GAS7: variants seen among roughly 807,000 people sequenced by gnomAD.
GAS7 encodes growth arrest-specific protein 7.
A neutral mutation model predicts 71.1 loss-of-function variants in GAS7; 28 were observed. The ratio of observed to expected loss-of-function variants is 0.39; its 90% CI spans 0.29 to 0.54. The LOEUF (loss-of-function observed/expected upper bound fraction) is 0.54. Ranked by LOEUF, GAS7 falls within the 20% of genes least tolerant of loss-of-function variation. The pLI is 0.62. For synonymous variants in GAS7, 258 were observed against 245.8 expected, an observed-to-expected ratio of 1.05 and a Z score of -0.46; for missense variants, 436 against 627.8, an observed-to-expected ratio of 0.69 and a Z score of 3.27.
chr17:10,017,293 A>G (rs1366542414), intron 2 of GAS7, among the ~76,000 whole-genome samples: 1 of 151,844 alleles, frequency 6.6e-6, no homozygotes, highest in Non-Finnish European at 1.5e-5. Context: ...CATATGGCCC[A>G]GTGAACTTGC....
At chr17:10,010,545 G>A (rs1293145478) in intron 2 of GAS7, among the ~76,000 whole-genome samples, 1 of 152,144 alleles carries the variant, frequency 6.6e-6, no homozygotes, top group African/African-American at 2.4e-5. Flanking sequence ...GGTCTCTGCT[G>A]CAACTACAGA....
At chr17:9,918,852 G>A (rs548107194) in intron 12 of GAS7, among the ~76,000 whole-genome samples, 61 of 152,118 alleles carry the variant, frequency 4.0e-4, no homozygotes, top group Non-Finnish European at 7.5e-4. Flanking sequence ...CAGAAAGGGG[G>A]GTAAAGCAGG....
chr17:10,138,365 T>G (rs1221348512), intron 1 of GAS7, among the ~76,000 whole-genome samples: 1 of 152,198 alleles, frequency 6.6e-6, no homozygotes, highest in Non-Finnish European at 1.5e-5. Context: ...AGGGAGGACA[T>G]GCATAACTAT....
At position 10,002,757 on chromosome 17, in the gene GAS7, T is replaced by A. The variant is rs1181265671; in HGVS notation, c.304+17020A>T. ...ACATGACCTCATCCTTTTTTATGGC[T>A]GCATAGTATTCCATGGTGTATATGT... On this transcript the variant is annotated intron_variant, in intron 2 of 13. Coordinates refer to ENST00000432992, the MANE Select transcript of GAS7 (RefSeq NM_201433.2). Among the ~76,000 whole-genome samples the A allele has an allele frequency of 2.6e-5, 4 of 152,254 alleles. No individual in the cohort carries two copies. In the East Asian group the frequency reaches 7.7e-4, roughly 29 times the overall value.
At chr17:9,991,366 A>G (rs1028938825) in intron 2 of GAS7, among the ~76,000 whole-genome samples, 1 of 152,162 alleles carries the variant, frequency 6.6e-6, no homozygotes, top group Non-Finnish European at 1.5e-5. Flanking sequence ...ACAGCTGCTT[A>G]CAAAATTCTT....
chr17:9,967,728 T>C (rs1019054307), intron 4 of GAS7, among the ~76,000 whole-genome samples: 1 of 152,172 alleles, frequency 6.6e-6, no homozygotes, highest in African/African-American at 2.4e-5. Flanking sequence ...AGCGCCATCA[T>C]CCCTTTTACC....
At chr17:10,185,683 A>G (rs1398994302) in intron 1 of GAS7, among the ~76,000 whole-genome samples, 1 of 152,080 alleles carries the variant, frequency 6.6e-6, no homozygotes, top group African/African-American at 2.4e-5. Flanking sequence ...GAAGTGGGGC[A>G]CTCTTGTGGG....
chr17:9,970,052 T>C (rs2069896262), intron 3 of GAS7, among the ~76,000 whole-genome samples: 1 of 152,156 alleles, frequency 6.6e-6, no homozygotes. Context: ...GTCACTATGG[T>C]CCAGCTGCCT....
chr17:10,153,452 G>A (rs1255041805), intron 1 of GAS7, among the ~76,000 whole-genome samples: 1 of 150,484 alleles, frequency 6.6e-6, no homozygotes, highest in Non-Finnish European at 1.5e-5. Flanking sequence ...GGGGGCACAG[G>A]TTGCAGTGAG....
chr17:10,024,988 G>A (rs564772273), intron 1 of GAS7, among the ~76,000 whole-genome samples: 121 of 152,212 alleles, frequency 7.9e-4, no homozygotes, highest in African/African-American at 2.7e-3. Context: ...TCAGCTACTC[G>A]TCACAACAAG....
At chr17:10,068,786 T>C (rs1028845994) in intron 1 of GAS7, among the ~76,000 whole-genome samples, 2 of 151,602 alleles carry the variant, frequency 1.3e-5, no homozygotes, top group South Asian at 2.1e-4. Flanking sequence ...AAGGGTCTTA[T>C]TACAGCAAAA....
Position 9,915,622 on chromosome 17 carries a change from G to T in GAS7, c.*1606C>A, listed in dbSNP as rs1033612223. 1 of 227,210 alleles carries T rather than the reference G, an allele frequency of 4.4e-6. No individual in the cohort carries two copies. Among genetic ancestry groups the T allele is most frequent in the Non-Finnish European group, 8.7e-6 (1 of 114,382 alleles). The allele number at this position is 227,210 out of a possible 1,614,324, so 14.1% of individuals were successfully genotyped here. On this transcript the variant is annotated 3_prime_UTR_variant, in exon 14 of 14. Coordinates refer to ENST00000432992, the MANE Select transcript of GAS7 (RefSeq NM_201433.2). Reference sequence around the variant, plus strand: ...GCAATTCTCATTCAATGAAAGAGGCGCCAAAAAATTAGAGATTAATAAGTC... The same window carrying T: ...GCAATTCTCATTCAATGAAAGAGGCTCCAAAAAATTAGAGATTAATAAGTC...
In GAS7 at chr17:9,943,022, T is replaced by C. The variant is rs528798324; in HGVS notation, c.731+99A>G. The C allele has an allele frequency of 1.7e-5, 12 of 693,776 alleles. No homozygotes were observed. The African/African-American group carries it at 1.9e-4, about 11-fold the overall frequency. The allele number at this position is 693,776 out of a possible 1,614,324, so 43.0% of individuals were successfully genotyped here. A position where few individuals can be genotyped will look rare whatever the true frequency, so the allele number is the denominator to read the frequency against. ...TGGCGCTAACCAGCCCAATGCTGAG[T>C]GTGCAGTACTGAGTCCTGTGCTGTC... On this transcript the variant is annotated intron_variant, in intron 7 of 13. Transcript: ENST00000432992.
intron 1 of GAS7, among the ~76,000 whole-genome samples, chr17:10,077,044 T>C (rs934875797): frequency 1.3e-5 from 2 of 152,246 alleles, no homozygotes; most frequent in African/African-American, 4.8e-5. Context: ...ATATGTTGCT[T>C]TGGCCACTTC....
intron 1 of GAS7, among the ~76,000 whole-genome samples, chr17:10,115,425 A>G (rs11078832): frequency 0.67 from 101,986 of 152,100 alleles, 34,587 homozygotes; most frequent in Non-Finnish European, 0.7. Context: ...CCTCCTCCCC[A>G]ACTCAGGAAG....
At chr17:10,139,928 C>A (rs544484697) in intron 1 of GAS7, among the ~76,000 whole-genome samples, 2 of 152,202 alleles carry the variant, frequency 1.3e-5, no homozygotes, top group Non-Finnish European at 2.9e-5. Flanking sequence ...AGGTCCATGA[C>A]ACAGGGCCCC....
intron 1 of GAS7, among the ~76,000 whole-genome samples, chr17:10,143,684 A>C (rs2074100895): frequency 6.6e-6 from 1 of 152,212 alleles, no homozygotes; most frequent in Admixed American, 6.5e-5. Flanking sequence ...AGGGAGGACC[A>C]CGTGAGGACA....
At chr17:10,192,707 T>A (rs532424888) in intron 1 of GAS7, among the ~76,000 whole-genome samples, 1 of 152,294 alleles carries the variant, frequency 6.6e-6, no homozygotes, top group East Asian at 1.9e-4. Flanking sequence ...TCCTGTGGGG[T>A]AGCCACTGAC....
At chr17:10,155,549 G>A (rs1051413734) in intron 1 of GAS7, among the ~76,000 whole-genome samples, 8 of 152,182 alleles carry the variant, frequency 5.3e-5, no homozygotes, top group African/African-American at 1.9e-4. Flanking sequence ...ATAGAAGCTA[G>A]TTCAAGCCAG....
Sources: gnomAD v4.1 joint callset for allele counts (sites outside exome capture counted in the v4.1 genomes callset) on GRCh38, gnomAD v4.1.1 for gene constraint, MANE v1.5 for transcripts, NCBI Gene and HGNC (gene_info 2026-07-23, HGNC 2026-07-21) for gene names.